Variants in SEC13 observed in about 807,000 individuals in gnomAD.
SEC13 encodes protein SEC13 homolog.
SEC13 carries 25 observed loss-of-function variants against 49.2 expected under a neutral mutation model. The ratio of observed to expected loss-of-function variants is 0.51; its 90% CI spans 0.37 to 0.71. SEC13 has a LOEUF of 0.71. SEC13 is among the 30% of genes least tolerant of loss of function. SEC13 has a pLI of 0.00. For missense variants in SEC13, 383 were observed against 417.6 expected (o/e 0.92, Z 0.72); for synonymous variants, 148 against 163.9 (o/e 0.90, Z 0.74).
In SEC13 at chr3:10,315,545, A is replaced by C. The variant is rs899290041; in HGVS notation, c.49-109T>G. 17 of 665,676 alleles carry C rather than the reference A, an allele frequency of 2.6e-5. No homozygotes were observed. In the African/African-American group the frequency reaches 2.9e-4, roughly 11 times the overall value. The allele number at this position is 665,676 out of a possible 1,614,324, so 41.2% of individuals were successfully genotyped here. ...TTTGGACCAGAATCTCCCTGAAATC[A>C]ATCTGATCTCAAAGTATCATCACCC... On this transcript the variant is annotated intron_variant, in intron 2 of 8. Transcript: ENST00000350697.
intron 5 of SEC13, among the ~76,000 whole-genome samples, chr3:10,308,481 C>T (rs1701028926): frequency 6.8e-6 from 1 of 146,808 alleles, no homozygotes; most frequent in Admixed American, 6.8e-5. Flanking sequence ...TGTTGATGGA[C>T]ATGTGGACTA....
chr3:10,305,786 G>T (rs1700836614), intron 5 of SEC13, 94 bp from the exon 6 acceptor site: 1 of 1,402,238 alleles, frequency 7.1e-7, no homozygotes, highest in Admixed American at 1.8e-5. Context: ...CGCTTCTCAG[G>T]ACTGGAGTGT....
At chr3:10,301,651 G>T (rs1179485998) in intron 8 of SEC13, among the ~76,000 whole-genome samples, 1 of 152,236 alleles carries the variant, frequency 6.6e-6, no homozygotes, top group African/African-American at 2.4e-5. Context: ...AGGATATGGG[G>T]TGGCGGGGAG....
Position 10,304,180 on chromosome 3 carries a change from G to GAAAC in SEC13, c.709-12_709-9dup, listed in dbSNP as rs1203276927. ...AATGAACACACGACCATCCTAGGAAGAAACAGGATAGAGTCAGGAGGTGGA... is the reference window on the plus strand; with the variant it reads ...AATGAACACACGACCATCCTAGGAAGAAACAAACAGGATAGAGTCAGGAGGTGGA... On this transcript the variant is annotated splice_polypyrimidine_tract_variant and intron_variant, in intron 7 of 8. Transcript: ENST00000350697. The GAAAC allele has an allele frequency of 6.2e-7, 1 of 1,613,826 alleles. No homozygotes were observed. The highest frequency in any genetic ancestry group is 8.5e-7 in the Non-Finnish European group (1 of 1,179,890).
At chr3:10,312,446 C>G in intron 4 of SEC13, 133 bp downstream of exon 4, 1 of 1,125,672 alleles carries the variant, frequency 8.9e-7, no homozygotes, top group Non-Finnish European at 1.3e-6. Flanking sequence ...GACAGAGTAG[C>G]AGAAAAGCCA....
chr3:10,321,086 T>C lies in SEC13; in HGVS notation c.-34A>G. 6.2e-7 allele frequency: 1 copy of C among 1,612,514 alleles called. No individual in the cohort carries two copies. The highest frequency in any genetic ancestry group is 1.1e-5 in the South Asian group (1 of 90,742). On this transcript the variant is annotated 5_prime_UTR_variant, in exon 1 of 9. Transcript: ENST00000350697. The surrounding 1 kb of genome is among the most constrained non-coding windows in gnomAD (Gnocchi z 4.1). The stretch of plus-strand genomic sequence containing the variant: ...CGGTGGCTGCTCCAGGTCTCGGACG[T>C]GGCAGCTCCCGGCGGCGCCTCGGAA...
At chr3:10,315,457 G>A (rs778096317) in intron 2 of SEC13, 21 bp from the exon 3 acceptor site, 15 of 1,156,274 alleles carry the variant, frequency 1.3e-5, no homozygotes, top group African/African-American at 1.3e-4. Context: ...AGGACAGCTC[G>A]GGAAGCCTGC....
intron 3 of SEC13, chr3:10,313,542 TC>T: frequency 2.4e-6 from 1 of 423,548 alleles, no homozygotes; most frequent in East Asian, 5.9e-5. Context: ...TTAGTGCTGC[TC>T]CTGGTTTACT....
chr3:10,305,205 T>C (rs1041293783), intron 6 of SEC13, 49 bp from the exon 7 acceptor site: 1 of 1,558,680 alleles, frequency 6.4e-7, no homozygotes, highest in African/African-American at 1.4e-5. Flanking sequence ...TTCCCACACC[T>C]CAACTCCTCC....
chr3:10,311,222 G>A (rs973224397), intron 5 of SEC13, among the ~76,000 whole-genome samples: 15 of 152,138 alleles, frequency 9.9e-5, no homozygotes, highest in African/African-American at 3.6e-4. Flanking sequence ...TCCTCTGGTG[G>A]AATGGTATCC....
intron 1 of SEC13, among the ~76,000 whole-genome samples, chr3:10,320,257 A>C (rs1376343216): frequency 6.6e-6 from 1 of 152,166 alleles, no homozygotes; most frequent in Non-Finnish European, 1.5e-5. Flanking sequence ...TCTGATTTCT[A>C]GGTTCCTGCA....
At chr3:10,302,243 A>C (rs1700579175) in intron 8 of SEC13, among the ~76,000 whole-genome samples, 1 of 152,210 alleles carries the variant, frequency 6.6e-6, no homozygotes, top group African/African-American at 2.4e-5. Flanking sequence ...ATCTCAAAAA[A>C]CAAAACAAAA....
intron 5 of SEC13, among the ~76,000 whole-genome samples, chr3:10,306,515 C>CCTTT (rs929633236): frequency 6.6e-6 from 1 of 152,190 alleles, no homozygotes; most frequent in Non-Finnish European, 1.5e-5. Context: ...CTAATTCCAT[C>CCTTT]CTTTCTTTGT....
chr3:10,307,609 A>G (rs1450402566), intron 5 of SEC13, among the ~76,000 whole-genome samples: 1 of 152,176 alleles, frequency 6.6e-6, no homozygotes, highest in Non-Finnish European at 1.5e-5. Flanking sequence ...CCCCTTCATA[A>G]AACCATCAGA....
chr3:10,305,802 A>G, intron 5 of SEC13, 110 bp from the exon 6 acceptor site: 3 of 1,208,602 alleles, frequency 2.5e-6, no homozygotes, highest in South Asian at 2.8e-5. Context: ...AGTGTGTGTG[A>G]AGGCTGACAT....
At chr3:10,303,961 T>G (rs763452064) in intron 8 of SEC13, 65 bp downstream of exon 8, 135 of 1,573,896 alleles carry the variant, frequency 8.6e-5, no homozygotes, top group Non-Finnish European at 1.1e-4. Flanking sequence ...TCAAGTGCCC[T>G]CTCTAGTGGG....
chr3:10,309,830 A>G (rs1701138449), intron 5 of SEC13, among the ~76,000 whole-genome samples: 1 of 152,218 alleles, frequency 6.6e-6, no homozygotes, highest in Non-Finnish European at 1.5e-5. Context: ...AAGGCTCAGG[A>G]AAGTCTAAGC....
At chr3:10,308,301 A>G (rs1369613206) in intron 5 of SEC13, among the ~76,000 whole-genome samples, 1 of 152,224 alleles carries the variant, frequency 6.6e-6, no homozygotes, top group Non-Finnish European at 1.5e-5. Flanking sequence ...TAGATATTAC[A>G]GCAGTGGAAT....
rs1701291063 is a variant in SEC13, at chr3:10,311,954, G to T, written c.450+11C>A. 6.2e-7 allele frequency: 1 copy of T among 1,614,216 alleles called. No homozygotes were observed. The highest frequency in any genetic ancestry group is 1.7e-4 in the Middle Eastern group (1 of 6,060). ...CGCTCTCACTGCACGAAAGGCAGGG[G>T]ATGGACTCACGGTGTGAGCGTTGTT... On this transcript the variant is annotated intron_variant, in intron 5 of 8. Coordinates refer to ENST00000350697, the MANE Select transcript of SEC13 (RefSeq NM_183352.3).
Sources: allele counts gnomAD v4.1 joint callset (sites outside exome capture counted in the v4.1 genomes callset), GRCh38; gene constraint gnomAD v4.1.1; non-coding constraint Gnocchi (gnomAD v3.1); transcripts MANE v1.5; gene names NCBI Gene and HGNC (gene_info 2026-07-23, HGNC 2026-07-21).